Variants in DOCK2 observed in about 807,000 individuals in gnomAD.
DOCK2 encodes the protein dedicator of cytokinesis 2, also known as dedicator of cytokinesis protein 2.
Under a neutral mutation model 248.9 loss-of-function variants are expected in DOCK2, and 87 were observed. The observed-to-expected ratio is 0.35, with a 90% CI of 0.29 to 0.42. DOCK2 has a LOEUF of 0.42. Among genes scored for constraint, DOCK2 ranks in the 10% least tolerant of loss-of-function variants. DOCK2 has a pLI of 1.00. For missense variants in DOCK2, 1,747 were observed against 2,300.2 expected, an observed-to-expected ratio of 0.76 and a Z score of 4.92; for synonymous variants, 805 against 821.6, an observed-to-expected ratio of 0.98 and a Z score of 0.35.
At chr5:169,955,178 G>A (rs868737419) in intron 27 of DOCK2, among the ~76,000 whole-genome samples, 5 of 152,326 alleles carry the variant, frequency 3.3e-5, no homozygotes, top group South Asian at 2.1e-4. Context: ...TGACGAGATC[G>A]CCAGGCAGCT....
intron 22 of DOCK2, among the ~76,000 whole-genome samples, chr5:169,745,058 G>A (rs112662588): frequency 0.034 from 5,238 of 152,308 alleles, 113 homozygotes; most frequent in African/African-American, 0.057. Flanking sequence ...TTCATTCAGC[G>A]TTTTCAGGCA....
chr5:169,740,620 G>A (rs1043969443), intron 22 of DOCK2, among the ~76,000 whole-genome samples: 1 of 152,210 alleles, frequency 6.6e-6, no homozygotes, highest in African/African-American at 2.4e-5. Flanking sequence ...TGGCTGCTGG[G>A]GGTATTCAAT....
In DOCK2 at chr5:170,067,506, A is replaced by G; in HGVS notation, c.4468-4A>G. On this transcript the variant is annotated splice_polypyrimidine_tract_variant and splice_region_variant and intron_variant, in intron 44 of 51. Transcript: ENST00000520908. ...TTTCTTCTTGGTGATCTCATTTTCAACAGACCACAATTAGTCCTCTGGAGA... is the reference window on the plus strand; with the variant it reads ...TTTCTTCTTGGTGATCTCATTTTCAGCAGACCACAATTAGTCCTCTGGAGA... The G allele has an allele frequency of 6.2e-7, 1 of 1,612,568 alleles. No individual in the cohort carries two copies. Among genetic ancestry groups the G allele is most frequent in the East Asian group, 2.2e-5 (1 of 44,848 alleles).
intron 27 of DOCK2, among the ~76,000 whole-genome samples, chr5:169,932,937 G>A (rs531564111): frequency 1.3e-3 from 195 of 152,174 alleles, no homozygotes; most frequent in Non-Finnish European, 1.7e-3. Context: ...CTATAAAAAA[G>A]CCTATCTCTT....
intron 27 of DOCK2, among the ~76,000 whole-genome samples, chr5:169,847,642 T>C (rs1204428863): frequency 6.6e-6 from 1 of 152,210 alleles, no homozygotes; most frequent in Admixed American, 6.5e-5. Context: ...TGGCTGACAA[T>C]TCCTATTCTC....
chr5:169,985,495 A>G (rs1778045680), intron 28 of DOCK2, among the ~76,000 whole-genome samples: 1 of 152,120 alleles, frequency 6.6e-6, no homozygotes, highest in African/African-American at 2.4e-5. Context: ...GCTTTCATAC[A>G]GTGAGATTAT....
chr5:169,790,854 G>T (rs1766293403), intron 25 of DOCK2, among the ~76,000 whole-genome samples: 1 of 152,156 alleles, frequency 6.6e-6, no homozygotes. Context: ...TAGTAAGGCT[G>T]GGATTCAAAC....
rs1431939308 is a variant in DOCK2 at position 169,699,811 on chromosome 5, C to T, written c.1133-203C>T. ...GAGAAGTGGGATAATTTGCCAGAGG[C>T]TGACACCGCTAGAAATCATTAGCGG... On this transcript the variant is annotated intron_variant, in intron 12 of 51. Coordinates refer to ENST00000520908, the MANE Select transcript of DOCK2 (RefSeq NM_004946.3). Among the ~76,000 whole-genome samples, 4 of 152,214 alleles carry T rather than the reference C, an allele frequency of 2.6e-5. No individual in the cohort carries two copies. The East Asian group carries it at 5.8e-4, about 22-fold the overall frequency.
At chr5:169,672,696 C>A (rs773708159) in intron 5 of DOCK2, among the ~76,000 whole-genome samples, 1 of 152,168 alleles carries the variant, frequency 6.6e-6, no homozygotes, top group Non-Finnish European at 1.5e-5. Flanking sequence ...CTTTAGATGC[C>A]AGTCGCAAGT....
At chr5:170,056,286 G>T (rs185243210) in intron 42 of DOCK2, among the ~76,000 whole-genome samples, 4 of 152,344 alleles carry the variant, frequency 2.6e-5, no homozygotes, top group Non-Finnish European at 5.9e-5. Context: ...ACGATTCAGG[G>T]AGACTGATTT....
intron 9 of DOCK2, among the ~76,000 whole-genome samples, chr5:169,690,658 C>A (rs1308151412): frequency 6.6e-6 from 1 of 152,208 alleles, no homozygotes; most frequent in African/African-American, 2.4e-5. Context: ...GAGAGTCCCA[C>A]AGGCCTTCCT....
At chr5:169,729,414 A>C (rs1048423331) in intron 22 of DOCK2, among the ~76,000 whole-genome samples, 2 of 152,154 alleles carry the variant, frequency 1.3e-5, no homozygotes, top group Non-Finnish European at 2.9e-5. Context: ...ATTGAAAAGG[A>C]CTTCATCATG....
chr5:169,847,415 G>A (rs1770379545), intron 27 of DOCK2, among the ~76,000 whole-genome samples: 1 of 152,094 alleles, frequency 6.6e-6, no homozygotes, highest in African/African-American at 2.4e-5. Flanking sequence ...GTATCTTATT[G>A]TGGTTTTAAT....
At chr5:169,996,268 C>A (rs1019132682) in intron 30 of DOCK2, 104 bp downstream of exon 30, 13 of 1,196,322 alleles carry the variant, frequency 1.1e-5, no homozygotes, top group Non-Finnish European at 1.5e-5. Context: ...CAGAAGCTGT[C>A]CCAGTCTCTC....
At chr5:169,913,754 T>A (rs1411182173) in intron 27 of DOCK2, among the ~76,000 whole-genome samples, 1 of 152,158 alleles carries the variant, frequency 6.6e-6, no homozygotes, top group African/African-American at 2.4e-5. Flanking sequence ...TACAAAGTGA[T>A]CTAATTGGTC....
intron 27 of DOCK2, 63 bp from the exon 28 acceptor site, chr5:169,983,005 C>G (rs992653296): frequency 6.5e-7 from 1 of 1,535,506 alleles, no homozygotes; most frequent in Non-Finnish European, 9.0e-7. Context: ...GACATTTTCT[C>G]ACAGGGAAGT....
intron 28 of DOCK2, among the ~76,000 whole-genome samples, chr5:169,984,908 C>G (rs1213774982): frequency 2.0e-5 from 3 of 152,066 alleles, no homozygotes; most frequent in Non-Finnish European, 4.4e-5. Flanking sequence ...TCTTAGCTAT[C>G]CAGATTTCTT....
At chr5:169,797,484 C>T (rs962170372) in intron 25 of DOCK2, among the ~76,000 whole-genome samples, 9 of 152,228 alleles carry the variant, frequency 5.9e-5, no homozygotes, top group African/African-American at 1.7e-4. Flanking sequence ...AGGTAGGTAG[C>T]ACTGACCGCC....
intron 25 of DOCK2, among the ~76,000 whole-genome samples, chr5:169,768,954 A>G (rs1764941760): frequency 6.6e-6 from 1 of 152,220 alleles, no homozygotes; most frequent in African/African-American, 2.4e-5. Flanking sequence ...TCAAGCCTGC[A>G]GTAAGTCCTC....
Sources: gnomAD v4.1 joint callset for allele counts (sites outside exome capture counted in the v4.1 genomes callset) on GRCh38, gnomAD v4.1.1 for gene constraint, MANE v1.5 for transcripts, NCBI Gene and HGNC (gene_info 2026-07-23, HGNC 2026-07-21) for gene names.